Variants in CTXND1 observed in about 807,000 individuals in gnomAD.
The protein encoded by CTXND1 is cortexin domain containing 1.
intron 1 of CTXND1, among the ~76,000 whole-genome samples, chr15:80,248,064 GGAGA>G (rs759901844): frequency 1.3e-5 from 2 of 152,236 alleles, no homozygotes; most frequent in Non-Finnish European, 2.9e-5. Flanking sequence ...TACTCTCAAT[GGAGA>G]GGATGCCCTC....
chr15:80,206,669 A>T (rs61371882), intron 1 of CTXND1, among the ~76,000 whole-genome samples: 39 of 152,150 alleles, frequency 2.6e-4, no homozygotes, highest in African/African-American at 8.9e-4. Context: ...TGTAATTTGA[A>T]TTGTCAACTT....
intron 1 of CTXND1, among the ~76,000 whole-genome samples, chr15:80,208,407 G>A (rs146060826): frequency 6.6e-6 from 1 of 152,236 alleles, no homozygotes; most frequent in African/African-American, 2.4e-5. Flanking sequence ...CACATGCTGG[G>A]GGTGGAAGGT....
At position 80,238,545 on chromosome 15, in the gene CTXND1, C is replaced by T. The variant is rs188291771; in HGVS notation, c.-218+13462G>A. ...TGTTGCCCAGGCTGGAGTGCAGTGG[C>T]GATTTCTCGGCTCACTGCAAGCTCC... On this transcript the variant is annotated intron_variant, in intron 1 of 2. Transcript: ENST00000560778. Among the ~76,000 whole-genome samples, 21 of 146,334 alleles carry T rather than the reference C, an allele frequency of 1.4e-4. No homozygotes were observed. The East Asian group carries it at 2.0e-3, about 14-fold the overall frequency.
intron 1 of CTXND1, among the ~76,000 whole-genome samples, chr15:80,240,116 C>A (rs1893548073): frequency 6.6e-6 from 1 of 152,170 alleles, no homozygotes; most frequent in African/African-American, 2.4e-5. Flanking sequence ...CGGACATGCA[C>A]CAACACGCTC....
intron 1 of CTXND1, among the ~76,000 whole-genome samples, chr15:80,205,721 T>G (rs912532936): frequency 1.3e-5 from 2 of 152,154 alleles, no homozygotes. Flanking sequence ...TAGTCCAACT[T>G]TTCCACATTC....
chr15:80,201,966 C>G lies in CTXND1; in HGVS notation c.-17G>C, dbSNP rs1399553902. 2.5e-6 allele frequency: 1 copy of G among 398,856 alleles called. No individual in the cohort carries two copies. The highest frequency in any genetic ancestry group is 4.4e-6 in the Non-Finnish European group (1 of 226,334). The allele number at this position is 398,856 out of a possible 1,614,324, so 24.7% of individuals were successfully genotyped here. ...CTCCTCCATCTCGCGGCAGCGACTG[C>G]GGGCTGCTCCTCCTCCGCCTCGGGT... On this transcript the variant is annotated 5_prime_UTR_variant, in exon 3 of 3. Coordinates refer to ENST00000560778, the MANE Select transcript of CTXND1 (RefSeq NM_001352888.2).
chr15:80,227,918 C>A (rs968171284), intron 1 of CTXND1, among the ~76,000 whole-genome samples: 2 of 152,196 alleles, frequency 1.3e-5, no homozygotes, highest in African/African-American at 4.8e-5. Context: ...TTGCAGCATG[C>A]AGTGCTGGTT....
chr15:80,234,734 T>C (rs1179259357), intron 1 of CTXND1, among the ~76,000 whole-genome samples: 2 of 152,188 alleles, frequency 1.3e-5, no homozygotes, highest in Non-Finnish European at 2.9e-5. Flanking sequence ...AGCCTTGGCC[T>C]CCCAAATTGC....
At chr15:80,248,203 T>C (rs1893656201) in intron 1 of CTXND1, among the ~76,000 whole-genome samples, 2 of 152,192 alleles carry the variant, frequency 1.3e-5, no homozygotes, top group African/African-American at 4.8e-5. Context: ...GTCTTTGATG[T>C]CCTGGTCGTA....
intron 1 of CTXND1, among the ~76,000 whole-genome samples, chr15:80,242,500 G>C (rs1036250861): frequency 6.6e-6 from 1 of 152,170 alleles, no homozygotes; most frequent in African/African-American, 2.4e-5. Context: ...TTTGAAACAA[G>C]TTCCACCTCC....
intron 1 of CTXND1, among the ~76,000 whole-genome samples, chr15:80,213,314 G>T (rs537448920): frequency 2.0e-5 from 3 of 152,358 alleles, no homozygotes; most frequent in African/African-American, 4.8e-5. Flanking sequence ...GGGGGCCAAA[G>T]AGTGGCCAAT....
intron 1 of CTXND1, among the ~76,000 whole-genome samples, chr15:80,210,202 T>G (rs1308912398): frequency 6.6e-6 from 1 of 152,082 alleles, no homozygotes; most frequent in African/African-American, 2.4e-5. Flanking sequence ...CTCCTTAATG[T>G]TTTTTCTTTA....
Position 80,196,576 on chromosome 15 carries a change from AG to A in CTXND1, c.*5193del, listed in dbSNP as rs2041421555. 1 of 152,198 alleles carries A rather than the reference AG, an allele frequency of 6.6e-6. No homozygotes were observed. The highest frequency in any genetic ancestry group is 2.1e-4 in the South Asian group (1 of 4,832). The allele number at this position is 152,198 out of a possible 1,614,324, so 9.4% of individuals were successfully genotyped here. A position where few individuals can be genotyped will look rare whatever the true frequency, so the allele number is the denominator to read the frequency against. The stretch of plus-strand genomic sequence containing the variant: ...GCTACATTATGATTTAAGTTGCAGG[AG>A]GGAGTGGGACTAAATTGCTATCACC... On this transcript the variant is annotated 3_prime_UTR_variant, in exon 3 of 3. Transcript: ENST00000560778.
chr15:80,220,932 A>G lies in CTXND1; in HGVS notation c.-217-17192T>C, dbSNP rs574086492. Among the ~76,000 whole-genome samples the G allele has an allele frequency of 5.9e-3, 872 of 148,300 alleles. 14 individuals carry two copies. Among genetic ancestry groups the G allele is most frequent in the African/African-American group, 0.021 (834 of 40,620 alleles). On this transcript the variant is annotated intron_variant, in intron 1 of 2. Transcript: ENST00000560778. ...TTATTATTTTTTTTTTTTTTGAGAC[A>G]GAGTCTCGCTCTGTCGCCCAGGCTG...
Position 80,234,269 on chromosome 15 carries a change from C to A in CTXND1, c.-218+17738G>T, listed in dbSNP as rs572561344. On this transcript the variant is annotated intron_variant, in intron 1 of 2. Transcript: ENST00000560778. ...ATTTTAGAGGCTGTTCGTCTGAGACCAGGGGACATTTGGATGAAATTTAGA... is the reference window on the plus strand; with the variant it reads ...ATTTTAGAGGCTGTTCGTCTGAGACAAGGGGACATTTGGATGAAATTTAGA... 5.9e-5 allele frequency among the ~76,000 whole-genome samples: 9 copies of A among 152,212 alleles called. No homozygotes were observed. In the East Asian group the frequency reaches 1.7e-3, roughly 29 times the overall value.
chr15:80,219,211 C>T (rs1893286577), intron 1 of CTXND1, among the ~76,000 whole-genome samples: 1 of 151,852 alleles, frequency 6.6e-6, no homozygotes, highest in Admixed American at 6.6e-5. Context: ...TCCCAAAGTA[C>T]TTGGGATTAC....
intron 1 of CTXND1, among the ~76,000 whole-genome samples, chr15:80,209,303 A>C (rs1221844561): frequency 6.6e-6 from 1 of 152,240 alleles, no homozygotes; most frequent in Non-Finnish European, 1.5e-5. Context: ...CTTTGAAGCA[A>C]GGACACATAT....
intron 1 of CTXND1, among the ~76,000 whole-genome samples, chr15:80,241,166 G>A (rs1460640788): frequency 6.6e-6 from 1 of 152,172 alleles, no homozygotes; most frequent in Non-Finnish European, 1.5e-5. Flanking sequence ...GGAGGTGGGA[G>A]CTGTGTGTGC....
intron 1 of CTXND1, among the ~76,000 whole-genome samples, chr15:80,228,830 A>G (rs1224418908): frequency 2.6e-5 from 4 of 151,972 alleles, no homozygotes; most frequent in African/African-American, 9.7e-5. Context: ...GGGTTTCACC[A>G]TCTTGGGCAG....
Sources: gnomAD v4.1 joint callset for allele counts (sites outside exome capture counted in the v4.1 genomes callset) on GRCh38, gnomAD v4.1.1 for gene constraint, MANE v1.5 for transcripts, NCBI Gene and HGNC (gene_info 2026-07-23, HGNC 2026-07-21) for gene names.